Variants in CNTN3 observed in about 807,000 individuals in gnomAD.
CNTN3 encodes contactin 3.
CNTN3 carries 60 observed loss-of-function variants against 119.1 expected under a neutral mutation model. That is an observed-to-expected ratio of 0.50 (90% confidence interval 0.41 to 0.62). The LOEUF is 0.62. CNTN3 is among the 20% of genes least tolerant of loss of function. The pLI, the probability that CNTN3 is intolerant of heterozygous loss-of-function variation, is 0.00. For missense variants in CNTN3, 1,101 were observed against 1,242.4 expected, an observed-to-expected ratio of 0.89 and a Z score of 1.71; for synonymous variants, 450 against 438.7, an observed-to-expected ratio of 1.03 and a Z score of -0.32.
chr3:74,370,838 G>A (rs868683689), intron 6 of CNTN3, among the ~76,000 whole-genome samples: 1 of 152,130 alleles, frequency 6.6e-6, no homozygotes, highest in African/African-American at 2.4e-5. Flanking sequence ...GCTGGCAAAA[G>A]TCAGGACAGG....
Position 74,334,724 on chromosome 3 carries a change from C to T in CNTN3, c.1668+11G>A. On this transcript the variant is annotated intron_variant, in intron 13 of 22. Coordinates refer to ENST00000263665, the MANE Select transcript of CNTN3 (RefSeq NM_020872.3). ...CAATATAAAAAGTATGAGGAAAGTG[C>T]CACAACTTACCCCACCAACTTTCTC... 1 of 1,610,482 alleles carries T rather than the reference C, an allele frequency of 6.2e-7. No individual in the cohort carries two copies. Among genetic ancestry groups the T allele is most frequent in the Non-Finnish European group, 8.5e-7 (1 of 1,177,960 alleles).
At chr3:74,486,802 G>C (rs886233414) in intron 3 of CNTN3, among the ~76,000 whole-genome samples, 171 bp from the exon 4 acceptor site, 1 of 152,222 alleles carries the variant, frequency 6.6e-6, no homozygotes, top group Non-Finnish European at 1.5e-5. Flanking sequence ...TATCAGAAAC[G>C]AAAAGTTAAA....
At chr3:74,271,119 C>A (rs1280725149) in intron 20 of CNTN3, among the ~76,000 whole-genome samples, 1 of 152,112 alleles carries the variant, frequency 6.6e-6, no homozygotes, top group Non-Finnish European at 1.5e-5. Flanking sequence ...AGATACTTGC[C>A]TGAAAACAAG....
intron 11 of CNTN3, among the ~76,000 whole-genome samples, chr3:74,357,484 T>C (rs551196482): frequency 1.3e-5 from 2 of 151,946 alleles, no homozygotes; most frequent in African/African-American, 2.4e-5. Context: ...GGTTTCTCCA[T>C]GTTGGTTGGG....
intron 20 of CNTN3, among the ~76,000 whole-genome samples, chr3:74,279,678 T>C (rs1282663784): frequency 6.6e-6 from 1 of 152,010 alleles, no homozygotes; most frequent in Non-Finnish European, 1.5e-5. Flanking sequence ...AGACTACAAA[T>C]TGGGTGCAGT....
intron 20 of CNTN3, among the ~76,000 whole-genome samples, chr3:74,278,326 C>A (rs1242810363): frequency 6.6e-6 from 1 of 152,028 alleles, no homozygotes; most frequent in Non-Finnish European, 1.5e-5. Context: ...AAGAACAAAT[C>A]TAGAGGCATC....
intron 1 of CNTN3, among the ~76,000 whole-genome samples, chr3:74,544,587 T>A (rs139604435): frequency 6.6e-6 from 1 of 151,998 alleles, no homozygotes; most frequent in Non-Finnish European, 1.5e-5. Context: ...TAGATGAAAC[T>A]CTTTTTTTGG....
intron 2 of CNTN3, among the ~76,000 whole-genome samples, chr3:74,518,394 T>G (rs772882639): frequency 6.6e-6 from 1 of 151,960 alleles, no homozygotes; most frequent in African/African-American, 2.4e-5. Context: ...ATGGAGGATG[T>G]CAAGATTTAT....
intron 22 of CNTN3, among the ~76,000 whole-genome samples, chr3:74,265,616 G>A (rs1186917389): frequency 6.6e-6 from 1 of 152,092 alleles, no homozygotes; most frequent in Non-Finnish European, 1.5e-5. Flanking sequence ...AAGTATGGCA[G>A]CCTTTATGGT....
At chr3:74,543,299 T>C (rs1358696559) in intron 1 of CNTN3, among the ~76,000 whole-genome samples, 1 of 152,160 alleles carries the variant, frequency 6.6e-6, no homozygotes, top group Non-Finnish European at 1.5e-5. Context: ...GTATCATTTA[T>C]TGCTTGGGAA....
chr3:74,525,311 G>A (rs1703603816), intron 1 of CNTN3, among the ~76,000 whole-genome samples: 1 of 151,860 alleles, frequency 6.6e-6, no homozygotes, highest in Non-Finnish European at 1.5e-5. Flanking sequence ...AAGGTTTGAA[G>A]ATAAAAAGAG....
intron 4 of CNTN3, among the ~76,000 whole-genome samples, chr3:74,435,403 T>C (rs897295058): frequency 6.6e-5 from 10 of 152,120 alleles, no homozygotes; most frequent in Non-Finnish European, 1.0e-4. Flanking sequence ...TCACAAACTC[T>C]TGGGCTCAAG....
intron 11 of CNTN3, among the ~76,000 whole-genome samples, chr3:74,344,882 C>CAG (rs1703654323): frequency 6.6e-6 from 1 of 152,046 alleles, no homozygotes; most frequent in Non-Finnish European, 1.5e-5. Context: ...CACACACACA[C>CAG]ACACACACAC....
chr3:74,559,465 G>A (rs1027353323), intron 1 of CNTN3, among the ~76,000 whole-genome samples: 1 of 152,172 alleles, frequency 6.6e-6, no homozygotes. Context: ...GCTTTGGCGT[G>A]TGGCAGTTGC....
At chr3:74,363,190 G>C (rs145794904) in intron 10 of CNTN3, among the ~76,000 whole-genome samples, 1 of 152,054 alleles carries the variant, frequency 6.6e-6, no homozygotes, top group Non-Finnish European at 1.5e-5. Flanking sequence ...CTCTGTCATG[G>C]ATAACAGCAG....
chr3:74,526,170 TTCAGAAATGAATTATATTTATGAATATA>T (rs1420034236), intron 1 of CNTN3, among the ~76,000 whole-genome samples: 1 of 151,778 alleles, frequency 6.6e-6, no homozygotes. Context: ...ATTTCGATAC[TTCAGAAATGAATTATATTTATGAATATA>T]TATTATTCCT....
rs1357513453 is a variant in CNTN3, at chr3:74,340,517, A to C, written c.1365-3859T>G. On this transcript the variant is annotated intron_variant, in intron 11 of 22. Coordinates refer to ENST00000263665, the MANE Select transcript of CNTN3 (RefSeq NM_020872.3). ...ATCTGATCGCTAATCCCATCAGTAA[A>C]ATTTTGGGGCCATGACACCCAAAGA... 3.3e-5 allele frequency among the ~76,000 whole-genome samples: 5 copies of C among 152,186 alleles called. No homozygotes were observed. The South Asian group carries it at 8.3e-4, about 25-fold the overall frequency.
intron 5 of CNTN3, among the ~76,000 whole-genome samples, chr3:74,384,950 T>A (rs1034582509): frequency 6.6e-6 from 1 of 152,202 alleles, no homozygotes; most frequent in Non-Finnish European, 1.5e-5. Flanking sequence ...ATTCAATTAG[T>A]TGATCTTCCG....
intron 20 of CNTN3, among the ~76,000 whole-genome samples, chr3:74,283,169 C>A (rs1156654242): frequency 6.6e-6 from 1 of 152,046 alleles, no homozygotes; most frequent in Non-Finnish European, 1.5e-5. Flanking sequence ...AGAGAGGATA[C>A]CATAGTGGTT....
Sources: allele counts gnomAD v4.1 joint callset (sites outside exome capture counted in the v4.1 genomes callset), GRCh38; gene constraint gnomAD v4.1.1; transcripts MANE v1.5; gene names NCBI Gene and HGNC (gene_info 2026-07-23, HGNC 2026-07-21).